CCDC175: variants seen among roughly 807,000 people sequenced by gnomAD.
CCDC175 encodes coiled-coil domain-containing protein 175.
In CCDC175, 100 loss-of-function variants were observed where a neutral mutation model predicts 114.6. The observed-to-expected ratio is 0.87, with a 90% CI of 0.74 to 1.03. The LOEUF (loss-of-function observed/expected upper bound fraction) is 1.03. CCDC175 is among the 50% of genes least tolerant of loss of function. The probability of loss-of-function intolerance (pLI) is 0.00; values close to 1 mark genes in which losing one functional copy is unlikely to be tolerated. For missense variants in CCDC175, 880 were observed against 917.8 expected (o/e 0.96, Z 0.53); for synonymous variants, 306 against 308.7 (o/e 0.99, Z 0.09).
rs1892686730 is a variant in CCDC175 at position 59,510,645 on chromosome 14, C to G, written c.2305+1G>C. ...TACCAAAGCTCTAAGCTGTTGCTTA[C>G]TAAGAAGGTCCATTGGTGATTCCTG... On this transcript the variant is annotated splice_donor_variant, in intron 19 of 19. Transcript: ENST00000537690. LOFTEE classifies it high-confidence loss of function. The G allele has an allele frequency of 2.0e-6, 3 of 1,537,040 alleles. No homozygotes were observed. The highest frequency in any genetic ancestry group is 1.7e-6 in the Non-Finnish European group (2 of 1,146,786).
chr14:59,560,470 G>A (rs569623705), intron 7 of CCDC175, among the ~76,000 whole-genome samples: 7 of 152,284 alleles, frequency 4.6e-5, no homozygotes, highest in Middle Eastern at 3.4e-3. Flanking sequence ...GATTTTCGGG[G>A]GAGAGAGTGT....
At chr14:59,570,291 G>A (rs1896772267) in intron 3 of CCDC175, among the ~76,000 whole-genome samples, 1 of 152,150 alleles carries the variant, frequency 6.6e-6, no homozygotes, top group Non-Finnish European at 1.5e-5. Flanking sequence ...GAATCAGGAA[G>A]AGAACCCCTT....
intron 7 of CCDC175, 32 bp from the exon 8 acceptor site, chr14:59,551,468 T>A (rs535923446): frequency 1.2e-5 from 14 of 1,162,624 alleles, no homozygotes; most frequent in East Asian, 1.1e-4. Context: ...CAGATTCATA[T>A]AAGAACATAC....
intron 16 of CCDC175, among the ~76,000 whole-genome samples, chr14:59,524,008 A>AG (rs934049737): frequency 1.1e-4 from 16 of 151,838 alleles, no homozygotes; most frequent in African/African-American, 3.9e-4. Context: ...AAAAGAAAAA[A>AG]AAAAAGTCAC....
At chr14:59,568,652 C>T (rs1595080310) in intron 3 of CCDC175, among the ~76,000 whole-genome samples, 1 of 152,138 alleles carries the variant, frequency 6.6e-6, no homozygotes, top group East Asian at 1.9e-4. Flanking sequence ...ATGCACTTCT[C>T]ACCTCCTGCC....
Position 59,538,760 on chromosome 14 carries a change from G to C in CCDC175, c.1436C>G (p.Ala479Gly). ...WTAKIKAEIQ[A>G]ITEKIQNAEV... ...TGCATTCTGAATTTTTTCTGTAATA[G>C]CTTGTATTTCAGCTTTTATCTTGGC... is the stretch of plus-strand genomic sequence containing the variant. Residue 479 changes from alanine (A) to glycine (G), a missense_variant, in exon 12 of 20, where the codon GCT (alanine) becomes GGT (glycine). By Grantham distance (60) the Ala-to-Gly change is moderately conservative. Transcript: ENST00000537690. 1 of 1,535,966 alleles carries C rather than the reference G, an allele frequency of 6.5e-7. No homozygotes were observed. Among genetic ancestry groups the C allele is most frequent in the Non-Finnish European group, 8.7e-7 (1 of 1,146,156 alleles).
chr14:59,508,174 CA>C (rs1347503739), intron 19 of CCDC175, among the ~76,000 whole-genome samples: 4 of 152,050 alleles, frequency 2.6e-5, no homozygotes, highest in Non-Finnish European at 5.9e-5. Flanking sequence ...GTGTAAAGTT[CA>C]GGGCACTTGT....
intron 17 of CCDC175, among the ~76,000 whole-genome samples, chr14:59,514,686 C>T (rs1454467378): frequency 6.6e-6 from 1 of 152,176 alleles, no homozygotes; most frequent in Non-Finnish European, 1.5e-5. Flanking sequence ...AAATCTACGT[C>T]TGATTGGTGT....
Position 59,525,343 on chromosome 14 carries a change from C to T in CCDC175, c.1934G>A (p.Gly645Glu), listed in dbSNP as rs1436151992. 5 of 1,503,824 alleles carry T rather than the reference C, an allele frequency of 3.3e-6. No homozygotes were observed. The East Asian group carries it at 7.6e-5, about 23-fold the overall frequency. The allele number at this position is 1,503,824 out of a possible 1,614,324, so 93.2% of individuals were successfully genotyped here. The change falls in exon 16 of 20, where the codon GGA becomes GAA. Residue 645 changes from glycine (G) to glutamate (E), a missense_variant. Physicochemically the swap from Gly to Glu is moderately conservative, Grantham distance 98. Coordinates refer to ENST00000537690, the MANE Select transcript of CCDC175 (RefSeq NM_001164399.2). Reference protein sequence around the residue: ...HFETLKNLENGFYINDQKADL... With the variant: ...HFETLKNLENEFYINDQKADL... ...TGCTTTTTGGTCATTTATATAGAAT[C>T]CATTTTCTAAGTTCTTTAGAGTTTC...
At chr14:59,537,960 A>G in intron 13 of CCDC175, 63 bp downstream of exon 13, 295 of 845,796 alleles carry the variant, frequency 3.5e-4, no homozygotes, top group Non-Finnish European at 4.5e-4. Context: ...AGCATGAAAT[A>G]TTATTCCCCC....
intron 7 of CCDC175, 32 bp from the exon 8 acceptor site, chr14:59,551,468 T>G (rs535923446): frequency 8.6e-7 from 1 of 1,162,624 alleles, no homozygotes; most frequent in Non-Finnish European, 1.2e-6. Flanking sequence ...CAGATTCATA[T>G]AAGAACATAC....
At chr14:59,551,964 G>A (rs114987043) in intron 7 of CCDC175, among the ~76,000 whole-genome samples, 2,475 of 152,326 alleles carry the variant, frequency 0.016, 61 homozygotes, top group African/African-American at 0.056. Flanking sequence ...TAAACAAAGC[G>A]GCCTGGAAGA....
chr14:59,516,604 C>T (rs182900559), intron 17 of CCDC175, among the ~76,000 whole-genome samples: 10 of 152,238 alleles, frequency 6.6e-5, no homozygotes, highest in African/African-American at 2.2e-4. Context: ...ATACACCCTC[C>T]GAAGACTAAA....
intron 2 of CCDC175, 84 bp from the exon 3 acceptor site, chr14:59,572,897 T>C (rs1358230612): frequency 9.8e-6 from 7 of 717,754 alleles, no homozygotes; most frequent in African/African-American, 3.7e-5. Flanking sequence ...ACAAATGTTT[T>C]CAGGGGTCAA....
rs1182294483 is a variant in CCDC175, at chr14:59,505,343, ATTT to A, written c.2306-31_2306-29del. 6.1e-6 allele frequency: 8 copies of A among 1,303,504 alleles called. No homozygotes were observed. In the African/African-American group the frequency reaches 1.2e-4, roughly 19 times the overall value. The allele number at this position is 1,303,504 out of a possible 1,614,324, so 80.7% of individuals were successfully genotyped here. A position where few individuals can be genotyped will look rare whatever the true frequency, so the allele number is the denominator to read the frequency against. On this transcript the variant is annotated intron_variant, in intron 19 of 19. Coordinates refer to ENST00000537690, the MANE Select transcript of CCDC175 (RefSeq NM_001164399.2). ...GTAGGAATAAAAAATAAATATAAAA[ATTT>A]TATTTGTATTGCACACATTTGGGGG...
At chr14:59,537,733 C>CA (rs2140026036) in intron 13 of CCDC175, among the ~76,000 whole-genome samples, 1 of 152,252 alleles carries the variant, frequency 6.6e-6, no homozygotes, top group East Asian at 1.9e-4. Context: ...CAGCTATTTT[C>CA]AAGCCAGCTC....
chr14:59,559,086 C>T (rs1027288846), intron 7 of CCDC175, among the ~76,000 whole-genome samples: 1 of 152,128 alleles, frequency 6.6e-6, no homozygotes, highest in Non-Finnish European at 1.5e-5. Context: ...CCATTAGTAA[C>T]CGTGGCAATT....
intron 8 of CCDC175, among the ~76,000 whole-genome samples, chr14:59,550,892 C>T (rs1315583443): frequency 6.6e-6 from 1 of 152,198 alleles, no homozygotes; most frequent in Non-Finnish European, 1.5e-5. Flanking sequence ...AACACCCTCA[C>T]AGACACACCC....
intron 13 of CCDC175, among the ~76,000 whole-genome samples, chr14:59,537,141 A>T (rs1449494965): frequency 6.6e-6 from 1 of 152,062 alleles, no homozygotes; most frequent in African/African-American, 2.4e-5. Flanking sequence ...CATTTGTAGG[A>T]AAGTTTGCTC....
Sources: gnomAD v4.1 joint callset for allele counts (sites outside exome capture counted in the v4.1 genomes callset) on GRCh38, gnomAD v4.1.1 for gene constraint, MANE v1.5 for transcripts, NCBI Gene and HGNC (gene_info 2026-07-23, HGNC 2026-07-21) for gene names.